PTPRD: variants seen among roughly 807,000 people sequenced by gnomAD.
The protein encoded by PTPRD is protein tyrosine phosphatase receptor type D, also known as receptor-type tyrosine-protein phosphatase delta.
Under a neutral mutation model 214.5 loss-of-function variants are expected in PTPRD, and 34 were observed. The observed-to-expected ratio is 0.16, with a 90% CI of 0.12 to 0.21. PTPRD has a LOEUF of 0.21. PTPRD is among the 10% of genes least tolerant of loss of function. The probability of loss-of-function intolerance (pLI) is 1.00; values close to 1 mark genes in which losing one functional copy is unlikely to be tolerated. For synonymous variants in PTPRD, 1,128 were observed against 845.7 expected (o/e 1.33, Z -5.79); for missense variants, 2,545 against 2,398.7 (o/e 1.06, Z -1.27).
At chr9:9,269,901 G>T (rs867153188) in intron 9 of PTPRD, among the ~76,000 whole-genome samples, 1 of 151,152 alleles carries the variant, frequency 6.6e-6, no homozygotes, top group South Asian at 2.1e-4. Flanking sequence ...CAAACTTTCA[G>T]TTAGAAGGCG....
rs565918750 is a variant in PTPRD, at chr9:9,644,679, G to T, written c.-286-69898C>A. On this transcript the variant is annotated intron_variant, in intron 7 of 45. Coordinates refer to ENST00000381196, the MANE Select transcript of PTPRD (RefSeq NM_002839.4). ...AAACTATGGCCCCTAAATGAGAACA[G>T]TTATCCCCATTTTCCAGCCAAAATG... 4.0e-5 allele frequency among the ~76,000 whole-genome samples: 6 copies of T among 151,452 alleles called. No homozygotes were observed. In the East Asian group the frequency reaches 1.2e-3, roughly 30 times the overall value.
chr9:9,222,795 G>T (rs1466660345), intron 9 of PTPRD, among the ~76,000 whole-genome samples: 1 of 151,974 alleles, frequency 6.6e-6, no homozygotes, highest in Non-Finnish European at 1.5e-5. Context: ...TATTCCCCAT[G>T]TAATAATTTT....
intron 7 of PTPRD, among the ~76,000 whole-genome samples, chr9:9,601,814 T>C (rs1193968045): frequency 6.6e-6 from 1 of 151,970 alleles, no homozygotes; most frequent in East Asian, 1.9e-4. Context: ...AATACAAAAG[T>C]AAATTATGTA....
intron 3 of PTPRD, among the ~76,000 whole-genome samples, chr9:10,061,063 G>C (rs2097770702): frequency 1.3e-5 from 2 of 150,924 alleles, no homozygotes; most frequent in Admixed American, 6.6e-5. Context: ...GAATACAAAA[G>C]AAAAACAATG....
intron 14 of PTPRD, among the ~76,000 whole-genome samples, chr9:8,580,640 C>G (rs567985062): frequency 5.1e-4 from 77 of 152,194 alleles, no homozygotes; most frequent in African/African-American, 1.7e-3. Context: ...ATTTTTAGCA[C>G]TAAGTAGTGA....
At chr9:8,792,491 G>A (rs1206046442) in intron 11 of PTPRD, among the ~76,000 whole-genome samples, 1 of 152,144 alleles carries the variant, frequency 6.6e-6, no homozygotes, top group African/African-American at 2.4e-5. Flanking sequence ...TGAGCATTCA[G>A]TTCCATTTTT....
chr9:9,716,451 C>A (rs2097834184), intron 7 of PTPRD, among the ~76,000 whole-genome samples: 1 of 151,914 alleles, frequency 6.6e-6, no homozygotes, highest in Non-Finnish European at 1.5e-5. Flanking sequence ...AAGGGTTGAA[C>A]TAGTTTACAG....
At chr9:8,363,429 G>A (rs1198374484) in intron 39 of PTPRD, among the ~76,000 whole-genome samples, 1 of 152,108 alleles carries the variant, frequency 6.6e-6, no homozygotes, top group South Asian at 2.1e-4. Flanking sequence ...GGTAGTTAGG[G>A]ATTCAAGAGG....
chr9:9,670,432 C>T (rs997343441), intron 7 of PTPRD, among the ~76,000 whole-genome samples: 1 of 152,160 alleles, frequency 6.6e-6, no homozygotes, highest in African/African-American at 2.4e-5. Context: ...CACCCATTTT[C>T]TGAGGAGAAA....
Position 10,443,915 on chromosome 9 carries a change from A to G in PTPRD, c.-599-102898T>C, listed in dbSNP as rs559839594. Reference sequence around the variant, plus strand: ...AAATCCTAGAATTCATTTTTTTTTCAATTTACTTGTTGGTGTCTCCTATAA... The same window carrying G: ...AAATCCTAGAATTCATTTTTTTTTCGATTTACTTGTTGGTGTCTCCTATAA... On this transcript the variant is annotated intron_variant, in intron 2 of 45. Coordinates refer to ENST00000381196, the MANE Select transcript of PTPRD (RefSeq NM_002839.4). Among the ~76,000 whole-genome samples, 7 of 149,322 alleles carry G rather than the reference A, an allele frequency of 4.7e-5. No homozygotes were observed. The South Asian group carries it at 1.3e-3, about 27-fold the overall frequency.
chr9:8,717,458 A>G (rs1392355232), intron 12 of PTPRD, among the ~76,000 whole-genome samples: 1 of 152,124 alleles, frequency 6.6e-6, no homozygotes, highest in Non-Finnish European at 1.5e-5. Context: ...CAGATCCTCA[A>G]GACCCTCATT....
chr9:9,238,679 AC>A (rs2099968612), intron 9 of PTPRD, among the ~76,000 whole-genome samples: 1 of 152,114 alleles, frequency 6.6e-6, no homozygotes, highest in South Asian at 2.1e-4. Flanking sequence ...ACATTAGGTC[AC>A]CCACCAGCTT....
At chr9:8,577,351 G>T (rs1170340820) in intron 14 of PTPRD, among the ~76,000 whole-genome samples, 1 of 152,118 alleles carries the variant, frequency 6.6e-6, no homozygotes, top group Non-Finnish European at 1.5e-5. Flanking sequence ...CGCCTCCTGG[G>T]TTCAAGCAAT....
chr9:9,789,229 G>C (rs1187298153), intron 5 of PTPRD, among the ~76,000 whole-genome samples: 2 of 152,104 alleles, frequency 1.3e-5, no homozygotes, highest in Admixed American at 1.3e-4. Context: ...TCTAACTTTG[G>C]TGGAGAAAGC....
At chr9:10,285,593 T>C (rs10959022) in intron 3 of PTPRD, among the ~76,000 whole-genome samples, 12,731 of 148,508 alleles carry the variant, frequency 0.086, 670 homozygotes, top group Non-Finnish European at 0.12. Flanking sequence ...TCATATTATT[T>C]TGGGGTCTCA....
chr9:9,731,183 A>AC (rs1554930028), intron 7 of PTPRD, among the ~76,000 whole-genome samples: 1 of 151,770 alleles, frequency 6.6e-6, no homozygotes, highest in African/African-American at 2.4e-5. Flanking sequence ...CAGAGTAAAT[A>AC]TTTTTTTTAC....
intron 2 of PTPRD, among the ~76,000 whole-genome samples, chr9:10,412,376 T>C (rs887516906): frequency 1.3e-5 from 2 of 151,578 alleles, no homozygotes; most frequent in East Asian, 3.9e-4. Context: ...AGAAATTGAT[T>C]CCCTGAACAG....
chr9:9,200,239 T>A (rs547133956), intron 9 of PTPRD, among the ~76,000 whole-genome samples: 1 of 152,276 alleles, frequency 6.6e-6, no homozygotes, highest in East Asian at 1.9e-4. Context: ...TGAGCAAAAA[T>A]CCTGATATCC....
chr9:8,481,155 A>T (rs1456912241), intron 30 of PTPRD, among the ~76,000 whole-genome samples: 2 of 151,348 alleles, frequency 1.3e-5, no homozygotes, highest in Non-Finnish European at 2.9e-5. Context: ...AAAAAAAAAA[A>T]AAAAAAAAAA....
Sources: allele counts gnomAD v4.1 joint callset (sites outside exome capture counted in the v4.1 genomes callset), GRCh38; gene constraint gnomAD v4.1.1; transcripts MANE v1.5; gene names NCBI Gene and HGNC (gene_info 2026-07-23, HGNC 2026-07-21).